The following CTNNA3 variants were observed in gnomAD, a reference collection of about 807,000 sequenced individuals.
The protein encoded by CTNNA3 is catenin alpha-3.
Under a neutral mutation model 95.7 loss-of-function variants are expected in CTNNA3, and 76 were observed. The ratio of observed to expected loss-of-function variants is 0.79; its 90% confidence interval spans 0.66 to 0.96. CTNNA3 has a LOEUF of 0.96. CTNNA3 is among the 40% of genes least tolerant of loss of function. The pLI, the probability that CTNNA3 is intolerant of heterozygous loss-of-function variation, is 0.00. For synonymous variants in CTNNA3, 431 were observed against 374.4 expected (o/e 1.15, Z -1.74); for missense variants, 1,191 against 1,089.8 (o/e 1.09, Z -1.31).
intron 7 of CTNNA3, among the ~76,000 whole-genome samples, chr10:66,910,992 C>T (rs1211278612): frequency 6.6e-6 from 1 of 152,100 alleles, no homozygotes; most frequent in African/African-American, 2.4e-5. Flanking sequence ...TGAGGCCTAA[C>T]CAAATTTCAA....
chr10:66,104,686 T>A lies in CTNNA3; in HGVS notation c.1885-1437A>T, dbSNP rs533284705. Among the ~76,000 whole-genome samples the A allele has an allele frequency of 4.3e-3, 659 of 152,246 alleles. 4 individuals carry two copies. The highest frequency in any genetic ancestry group is 7.7e-3 in the Non-Finnish European group (524 of 68,020). ...AAATCCTGGTGACAAACCCAGAAAA[T>A]AAGTATTTAGGTTTCATAGAAAACA... On this transcript the variant is annotated intron_variant, in intron 13 of 17. Transcript: ENST00000433211.
intron 9 of CTNNA3, among the ~76,000 whole-genome samples, chr10:66,625,321 A>C (rs1308127694): frequency 6.6e-6 from 1 of 152,126 alleles, no homozygotes; most frequent in Non-Finnish European, 1.5e-5. Flanking sequence ...CTAGCCAGAC[A>C]ATTCCTCAGC....
chr10:66,050,948 G>A (rs1564604510), intron 15 of CTNNA3, among the ~76,000 whole-genome samples: 1 of 152,042 alleles, frequency 6.6e-6, no homozygotes, highest in East Asian at 1.9e-4. Flanking sequence ...GGAACTTCTG[G>A]GCTCAAGTGA....
intron 7 of CTNNA3, among the ~76,000 whole-genome samples, chr10:66,942,141 C>T (rs1848031312): frequency 6.6e-6 from 1 of 152,142 alleles, no homozygotes; most frequent in Non-Finnish European, 1.5e-5. Context: ...TTTGCAGGCA[C>T]AGCAGGTGTC....
At chr10:67,647,357 C>A in intron 2 of CTNNA3, 58 bp downstream of exon 2, 1 of 1,177,506 alleles carries the variant, frequency 8.5e-7, no homozygotes, top group Non-Finnish European at 1.2e-6. Context: ...TCATTTTTCC[C>A]ACATATTTTT....
In CTNNA3 at chr10:66,766,400, A is replaced by G. The variant is rs1839857854; in HGVS notation, c.1145T>C (p.Ile382Thr). ...CAGGAAAGAGTCTGACACATGATCT[A>G]TAATAGCCTTGCGGAGCTGAGAAGA... ...DLRRQLRKAI[I>T]DHVSDSFLDT... Residue 382 changes from isoleucine (I) to threonine (T), a missense_variant, in exon 9 of 18, where the codon ATA (isoleucine) becomes ACA (threonine). By Grantham distance (89) the Ile-to-Thr change is moderately conservative (BLOSUM62 -1). Transcript: ENST00000433211. The G allele has an allele frequency of 6.2e-7, 1 of 1,613,018 alleles. No individual in the cohort carries two copies. The highest frequency in any genetic ancestry group is 8.5e-7 in the Non-Finnish European group (1 of 1,179,380).
At chr10:67,412,036 T>G (rs1845385616) in intron 5 of CTNNA3, among the ~76,000 whole-genome samples, 1 of 152,138 alleles carries the variant, frequency 6.6e-6, no homozygotes, top group Non-Finnish European at 1.5e-5. Flanking sequence ...TTCTGCCTTG[T>G]GTGTCAATGT....
chr10:66,164,518 GTT>G (rs535203586), intron 13 of CTNNA3, among the ~76,000 whole-genome samples: 1 of 138,724 alleles, frequency 7.2e-6, no homozygotes. Flanking sequence ...TATGGACACT[GTT>G]TTTTTTTTTT....
At chr10:67,504,625 G>T (rs191038874) in intron 5 of CTNNA3, among the ~76,000 whole-genome samples, 281 of 152,076 alleles carry the variant, frequency 1.8e-3, no homozygotes, top group Middle Eastern at 3.4e-3. Context: ...GTTCACAAGT[G>T]GTACCTTACT....
intron 3 of CTNNA3, among the ~76,000 whole-genome samples, chr10:67,590,741 G>A (rs1267507441): frequency 6.6e-6 from 1 of 151,744 alleles, no homozygotes; most frequent in Non-Finnish European, 1.5e-5. Flanking sequence ...TTTTCTTTTT[G>A]ATTTGTGAAG....
At chr10:66,919,157 A>T (rs1217271865) in intron 7 of CTNNA3, among the ~76,000 whole-genome samples, 1 of 143,926 alleles carries the variant, frequency 6.9e-6, no homozygotes, top group Non-Finnish European at 1.5e-5. Context: ...AAAAAAAAAG[A>T]CATATGTTGA....
chr10:67,405,226 T>C (rs1313395890), intron 5 of CTNNA3, among the ~76,000 whole-genome samples: 2 of 151,348 alleles, frequency 1.3e-5, no homozygotes, highest in Non-Finnish European at 3.0e-5. Context: ...CCTTAAATGC[T>C]CCAATTAAAA....
rs956726323 is a variant in CTNNA3 at position 66,212,692 on chromosome 10, G to A, written c.1884+67778C>T. Among the ~76,000 whole-genome samples the A allele has an allele frequency of 2.0e-5, 3 of 152,234 alleles. No individual in the cohort carries two copies. In the South Asian group the frequency reaches 6.2e-4, roughly 32 times the overall value. ...GCTTTCTTTCAGGAAAATATTAAGA[G>A]ATAGCTAAAAATAAGAAATGTCCTT... On this transcript the variant is annotated intron_variant, in intron 13 of 17. Coordinates refer to ENST00000433211, the MANE Select transcript of CTNNA3 (RefSeq NM_013266.4).
At chr10:66,183,781 A>G (rs1239426944) in intron 13 of CTNNA3, among the ~76,000 whole-genome samples, 2 of 152,020 alleles carry the variant, frequency 1.3e-5, no homozygotes, top group Non-Finnish European at 1.5e-5. Context: ...TGTGGGTTTT[A>G]TTGATACCAA....
chr10:66,141,594 A>G (rs1310731912), intron 13 of CTNNA3, among the ~76,000 whole-genome samples: 1 of 152,182 alleles, frequency 6.6e-6, no homozygotes. Flanking sequence ...TTGCCTCAAC[A>G]TATTTAAGTG....
rs1564842670 is a variant in CTNNA3, at chr10:67,732,904, AC to A, written c.-2+30529del. Among the ~76,000 whole-genome samples the A allele has an allele frequency of 4.6e-3, 564 of 121,512 alleles. 4 individuals are homozygous for A. Among genetic ancestry groups the A allele is most frequent in the African/African-American group, 0.027 (536 of 20,216 alleles). The allele number at this position is 121,512 out of a possible 152,430, so 79.7% of individuals were successfully genotyped here. A position where few individuals can be genotyped will look rare whatever the true frequency, so the allele number is the denominator to read the frequency against. On this transcript the variant is annotated intron_variant, in intron 1 of 17. Coordinates refer to the CTNNA3 transcript ENST00000684154. The stretch of plus-strand genomic sequence containing the variant: ...CACTCACGCACACACACACACACAC[AC>A]ACACACATTCTCTCTCTCAAGACTC...
intron 2 of CTNNA3, among the ~76,000 whole-genome samples, chr10:67,615,611 G>C (rs1483606447): frequency 6.8e-6 from 1 of 147,332 alleles, no homozygotes; most frequent in Non-Finnish European, 1.5e-5. Context: ...GGGGAACAGA[G>C]AATAAACAAA....
intron 1 of CTNNA3, among the ~76,000 whole-genome samples, chr10:67,726,334 T>A (rs1162783590): frequency 1.8e-5 from 1 of 56,354 alleles, no homozygotes; most frequent in East Asian, 1.1e-3. Flanking sequence ...ATCTTACATA[T>A]TATATATAAT....
chr10:67,433,657 A>G (rs1458635405), intron 5 of CTNNA3, among the ~76,000 whole-genome samples: 2 of 152,086 alleles, frequency 1.3e-5, no homozygotes, highest in Admixed American at 1.3e-4. Flanking sequence ...TGAATGTATC[A>G]AATTAATATG....
Sources: allele counts gnomAD v4.1 joint callset (sites outside exome capture counted in the v4.1 genomes callset), GRCh38; gene constraint gnomAD v4.1.1; transcripts MANE v1.5; gene names NCBI Gene and HGNC (gene_info 2026-07-23, HGNC 2026-07-21).